Variants in KIF4A observed in about 807,000 individuals in gnomAD.
The protein encoded by KIF4A is chromosome-associated kinesin KIF4A.
KIF4A carries 7 observed loss-of-function variants against 105.9 expected under a neutral mutation model. The ratio of observed to expected loss-of-function variants is 0.07; its 90% CI spans 0.04 to 0.12. The LOEUF is 0.12. Ranked by LOEUF, KIF4A falls within the 10% of genes least tolerant of loss-of-function variation. KIF4A has a pLI of 1.00. For synonymous variants in KIF4A, 281 were observed against 331.3 expected (o/e 0.85, Z 1.65); for missense variants, 558 against 929.2 (o/e 0.60, Z 5.19).
rs2086040275 is a variant in KIF4A, at chrX:70,353,697, A to G, written c.1564A>G (p.Met522Val). The change falls in exon 15 of 31, where the codon ATG becomes GTG. Residue 522 changes from methionine (M) to valine (V), a missense_variant. This residue lies in a region of KIF4A where 469 missense variants were observed against 680.4 expected (regional missense o/e 0.69). Coordinates refer to ENST00000374403, the MANE Select transcript of KIF4A (RefSeq NM_012310.5). ...TTQHALRQAQ[M>V]SKELVELNKA... Reference sequence around the variant, plus strand: ...TCAGCATGCTCTCCGTCAAGCGCAGATGTCTAAGGAGCTGGTTGAGTTGAA... The same window carrying G: ...TCAGCATGCTCTCCGTCAAGCGCAGGTGTCTAAGGAGCTGGTTGAGTTGAA... The G allele has an allele frequency of 1.7e-6, 2 of 1,210,960 alleles. No homozygotes were observed. The highest frequency in any genetic ancestry group is 1.1e-6 in the Non-Finnish European group (1 of 895,090).
intron 22 of KIF4A, among the ~76,000 whole-genome samples, chrX:70,399,332 G>T (rs1457101500): frequency 9.0e-6 from 1 of 111,602 alleles, no homozygotes; most frequent in Non-Finnish European, 1.9e-5. Flanking sequence ...AATAGAGCGA[G>T]CCTGTTGCTT....
In KIF4A at chrX:70,371,648, G is replaced by T. The variant is rs777673958; in HGVS notation, c.1675-2503G>T. On this transcript the variant is annotated intron_variant, in intron 15 of 30. Transcript: ENST00000374403. ...TCCCGGATGGGGCGGCTGGCCAGGT[G>T]GGGGGCTGACCCCCCTACCTCCCTC... Among the ~76,000 whole-genome samples, 88 of 105,897 alleles carry T rather than the reference G, an allele frequency of 8.3e-4. 1 individual carries two copies. The highest frequency in any genetic ancestry group is 2.9e-3 in the African/African-American group (83 of 28,387). 92.0% of individuals were successfully genotyped at this position (105,897 alleles called of 115,157 possible).
At chrX:70,302,162 C>T in intron 6 of KIF4A, 96 bp downstream of exon 6, 3 of 1,097,036 alleles carry the variant, frequency 2.7e-6, no homozygotes, top group Non-Finnish European at 3.7e-6. Flanking sequence ...AATCATCAGA[C>T]ATCAGTATTG....
chrX:70,359,495 A>G (rs1239631401), intron 15 of KIF4A, among the ~76,000 whole-genome samples: 1 of 89,473 alleles, frequency 1.1e-5, no homozygotes, highest in African/African-American at 4.3e-5. Context: ...GGGTATATTT[A>G]TTTTCTCACA....
At position 70,387,248 on chromosome X, in the gene KIF4A, G is replaced by A. The variant is rs199529123; in HGVS notation, c.2183G>A (p.Arg728Gln). ...LQKQREVADK[R>Q]KETQSRGMEG... is the part of the protein sequence containing the mutation. ...AAACAACGGGAGGTTGCAGATAAGC[G>A]GAAAGAGACTCAGAGCCGTGGAATG... is the stretch of plus-strand genomic sequence containing the variant. Residue 728 changes from arginine to glutamine, a missense_variant, in exon 20 of 31, where the codon CGG becomes CAG. Physicochemically the swap from Arg to Gln is conservative, Grantham distance 43. Around this residue, in one of 2 missense-constraint regions of KIF4A, gnomAD observed 469 missense variants for 680.4 expected, o/e 0.69. Transcript: ENST00000374403. The A allele has an allele frequency of 5.7e-5, 68 of 1,188,099 alleles. No homozygotes were observed. Among genetic ancestry groups the A allele is most frequent in the South Asian group, 1.1e-4 (6 of 53,491 alleles).
At chrX:70,303,462 A>G (rs1043823410) in intron 7 of KIF4A, among the ~76,000 whole-genome samples, 1 of 112,213 alleles carries the variant, frequency 8.9e-6, no homozygotes, top group African/African-American at 3.2e-5. Flanking sequence ...CTGAGAAGGC[A>G]GAAGGAAAAA....
chrX:70,406,417 T>C (rs940428594), intron 27 of KIF4A, 63 bp downstream of exon 27: 3 of 915,456 alleles, frequency 3.3e-6, no homozygotes, highest in Non-Finnish European at 4.7e-6. Flanking sequence ...TGTGCTAAAA[T>C]TGCCCTTTAT....
chrX:70,404,497 G>A (rs1407602884), intron 24 of KIF4A, among the ~76,000 whole-genome samples: 1 of 102,952 alleles, frequency 9.7e-6, no homozygotes, highest in Non-Finnish European at 2.0e-5. Flanking sequence ...CCATGATCGT[G>A]CCATTGCACT....
At chrX:70,346,288 T>A (rs889106319) in intron 13 of KIF4A, among the ~76,000 whole-genome samples, 21 of 111,511 alleles carry the variant, frequency 1.9e-4, no homozygotes, top group African/African-American at 6.9e-4. Flanking sequence ...CTGAAACATC[T>A]GATACATGAA....
Position 70,387,239 on chromosome X carries a change from C to G in KIF4A, c.2174C>G (p.Ala725Gly). The G allele has an allele frequency of 8.4e-7, 1 of 1,190,361 alleles. No homozygotes were observed. The highest frequency in any genetic ancestry group is 1.9e-5 in the South Asian group (1 of 53,759). Reference sequence around the variant, plus strand: ...GCTCTCCAGAAACAACGGGAGGTTGCAGATAAGCGGAAAGAGACTCAGAGC... The same window carrying G: ...GCTCTCCAGAAACAACGGGAGGTTGGAGATAAGCGGAAAGAGACTCAGAGC... Reference protein sequence around the residue: ...KDALQKQREVADKRKETQSRG... With the variant: ...KDALQKQREVGDKRKETQSRG... The change falls in exon 20 of 31, where the codon GCA becomes GGA. Residue 725 changes from alanine (A) to glycine (G), a missense_variant. By Grantham distance (60) the Ala-to-Gly change is moderately conservative (BLOSUM62 0). Coordinates refer to ENST00000374403, the MANE Select transcript of KIF4A (RefSeq NM_012310.5).
intron 3 of KIF4A, among the ~76,000 whole-genome samples, chrX:70,292,870 G>T (rs1371051541): frequency 8.9e-6 from 1 of 112,221 alleles, no homozygotes; most frequent in South Asian, 3.7e-4. Flanking sequence ...GCAACATAAA[G>T]TAGAAAGTGA....
chrX:70,360,456 TG>T (rs1217251054), intron 15 of KIF4A, among the ~76,000 whole-genome samples: 2 of 112,710 alleles, frequency 1.8e-5, no homozygotes, highest in Non-Finnish European at 3.8e-5. Context: ...CTGCTGGTAC[TG>T]ACTACACATG....
At chrX:70,362,280 A>G (rs1336983439) in intron 15 of KIF4A, 1 of 353,938 alleles carries the variant, frequency 2.8e-6, no homozygotes, top group Admixed American at 2.8e-5. Context: ...AGATGTGTGC[A>G]CCATGTACTG....
At chrX:70,360,837 A>G (rs141957487) in intron 15 of KIF4A, among the ~76,000 whole-genome samples, 1 of 112,441 alleles carries the variant, frequency 8.9e-6, no homozygotes, top group African/African-American at 3.2e-5. Flanking sequence ...AGGCTTTCCA[A>G]ATTTCACGAG....
At chrX:70,399,277 G>C (rs2086271616) in intron 22 of KIF4A, among the ~76,000 whole-genome samples, 1 of 111,791 alleles carries the variant, frequency 8.9e-6, no homozygotes, top group Non-Finnish European at 1.9e-5. Context: ...CAGACAAACT[G>C]TGGTTATTAA....
Position 70,354,921 on chromosome X carries a change from GT to G in KIF4A, c.1674+1120del, listed in dbSNP as rs200799036. Among the ~76,000 whole-genome samples, 16 of 112,327 alleles carry G rather than the reference GT, an allele frequency of 1.4e-4. No homozygotes were observed. In the East Asian group the frequency reaches 4.5e-3, roughly 32 times the overall value. On this transcript the variant is annotated intron_variant, in intron 15 of 30. Transcript: ENST00000374403. ...TTCCCAGCTGCTGGGGGTTGGAGCT[GT>G]TTTTTGGCACTGTCTACAAGGTCTT...
At chrX:70,367,977 T>C (rs940697176) in intron 15 of KIF4A, among the ~76,000 whole-genome samples, 4 of 111,875 alleles carry the variant, frequency 3.6e-5, no homozygotes, top group South Asian at 3.7e-4. Flanking sequence ...TCTATACTTA[T>C]CTTCTCGCTT....
intron 7 of KIF4A, among the ~76,000 whole-genome samples, chrX:70,321,312 A>G (rs1226261033): frequency 8.9e-6 from 1 of 112,376 alleles, no homozygotes; most frequent in Non-Finnish European, 1.9e-5. Flanking sequence ...CCACGTTTTA[A>G]GACTCAACTT....
chrX:70,371,758 C>T (rs866755865), intron 15 of KIF4A, among the ~76,000 whole-genome samples: 29 of 109,335 alleles, frequency 2.7e-4, no homozygotes, highest in Non-Finnish European at 4.4e-4. Context: ...ACGCTCCTCA[C>T]TTCCCAGACG....
Sources: allele counts gnomAD v4.1 joint callset (sites outside exome capture counted in the v4.1 genomes callset), GRCh38; gene constraint gnomAD v4.1.1; regional missense constraint gnomAD v4.1.1; transcripts MANE v1.5; gene names NCBI Gene and HGNC (gene_info 2026-07-23, HGNC 2026-07-21).